SSPN: variants seen among roughly 807,000 people sequenced by gnomAD.
SSPN encodes the protein K-ras oncogene-associated protein.
In SSPN, 15 loss-of-function variants were observed where a neutral mutation model predicts 19.1. That is an observed-to-expected ratio of 0.78 (90% CI 0.52 to 1.21). SSPN has a LOEUF of 1.21. Among genes scored for constraint, SSPN ranks in the 50% most tolerant of loss-of-function variants. The pLI, the probability that SSPN is intolerant of heterozygous loss-of-function variation, is 0.00. For synonymous variants in SSPN, 147 were observed against 140.3 expected (o/e 1.05, Z -0.34); for missense variants, 291 against 314.0 (o/e 0.93, Z 0.55).
At chr12:26,201,262 C>T (rs1021502770) in intron 1 of SSPN, among the ~76,000 whole-genome samples, 3 of 150,768 alleles carry the variant, frequency 2.0e-5, no homozygotes, top group Non-Finnish European at 3.0e-5. Context: ...CCTGTAGTCC[C>T]AGCTACTCGG....
chr12:26,124,253 G>GGGGGGGCCCCCC, intron 1 of SSPN: 1 of 785,908 alleles, frequency 1.3e-6, no homozygotes. Context: ...ACCCTCGTCT[G>GGGGGGGCCCCCC]CCCCCCCCGC....
intron 1 of SSPN, among the ~76,000 whole-genome samples, chr12:26,150,875 G>A (rs1031642875): frequency 7.2e-5 from 11 of 152,152 alleles, no homozygotes; most frequent in African/African-American, 1.9e-4. Context: ...TCAGAGCCAG[G>A]CCAGAATCAC....
chr12:26,210,497 A>G lies in SSPN; in HGVS notation c.280-13796A>G, dbSNP rs901534112. 5.3e-5 allele frequency among the ~76,000 whole-genome samples: 8 copies of G among 151,486 alleles called. No homozygotes were observed. In the East Asian group the frequency reaches 1.4e-3, roughly 26 times the overall value. The stretch of plus-strand genomic sequence containing the variant: ...AATTTACCCTTTGTCTCTCCTTTCT[A>G]TTCTCTCTCTCTGTGTCTCTCTCTC... On this transcript the variant is annotated intron_variant, in intron 1 of 2. Transcript: ENST00000242729.
intron 1 of SSPN, among the ~76,000 whole-genome samples, chr12:26,202,828 A>G (rs74482118): frequency 0.11 from 16,915 of 152,252 alleles, 1,234 homozygotes; most frequent in Non-Finnish European, 0.17. Context: ...ATATGTTTCT[A>G]TGTTACTGTA....
intron 1 of SSPN, among the ~76,000 whole-genome samples, chr12:26,132,234 C>A (rs1311650485): frequency 2.0e-5 from 3 of 152,198 alleles, no homozygotes; most frequent in Non-Finnish European, 4.4e-5. Flanking sequence ...TGTCTAGCAT[C>A]TTGGGATCTC....
At chr12:26,212,776 A>G (rs754728811) in intron 1 of SSPN, among the ~76,000 whole-genome samples, 1 of 152,194 alleles carries the variant, frequency 6.6e-6, no homozygotes, top group Non-Finnish European at 1.5e-5. Flanking sequence ...TCCTAGACAT[A>G]AAAAGTTGTT....
chr12:26,146,680 A>G (rs1194884294), intron 1 of SSPN, among the ~76,000 whole-genome samples: 1 of 152,080 alleles, frequency 6.6e-6, no homozygotes, highest in African/African-American at 2.4e-5. Context: ...AAAATTAGCC[A>G]GGTGTGGTGG....
chr12:26,122,735 C>T, intron 1 of SSPN: 2 of 1,590,846 alleles, frequency 1.3e-6, no homozygotes, highest in South Asian at 1.1e-5. Flanking sequence ...TGACGCGGCT[C>T]GCCCCCGCGC....
In SSPN at chr12:26,123,673, G is replaced by C; in HGVS notation, c.-31+1521G>C. 3.1e-6 allele frequency: 5 copies of C among 1,614,086 alleles called. No individual in the cohort carries two copies. In the African/African-American group the frequency reaches 6.7e-5, roughly 22 times the overall value. ...TCTTCTGATGCTGTTGCTCGGTTAA[G>C]GCGGTTAAAGCTTTTAAGTGTTTCA... On this transcript the variant is annotated intron_variant, in intron 1 of 2. Coordinates refer to the SSPN transcript ENST00000538142.
intron 1 of SSPN, among the ~76,000 whole-genome samples, chr12:26,137,101 C>A (rs1944429992): frequency 6.6e-6 from 1 of 152,190 alleles, no homozygotes; most frequent in Non-Finnish European, 1.5e-5. Context: ...TACTGTTTTG[C>A]AAGTCTTAAC....
intron 1 of SSPN, among the ~76,000 whole-genome samples, chr12:26,212,029 A>C (rs10842693): frequency 0.25 from 38,387 of 152,098 alleles, 5,102 homozygotes; most frequent in Admixed American, 0.37. Context: ...TTTCTGGCAA[A>C]TGCATGAGCA....
intron 1 of SSPN, among the ~76,000 whole-genome samples, chr12:26,146,767 T>G (rs1050044119): frequency 1.4e-5 from 2 of 138,010 alleles, no homozygotes; most frequent in African/African-American, 2.6e-5. Context: ...AGGTTGCAGT[T>G]AGCCGAGATG....
upstream of SSPN, chr12:26,195,375 G>A: frequency 8.8e-6 from 3 of 341,926 alleles, no homozygotes; most frequent in Non-Finnish European, 1.6e-5. Context: ...CTGAAGTGCA[G>A]AGGTTCAGGC....
chr12:26,190,495 C>T (rs1229387922), upstream of SSPN, among the ~76,000 whole-genome samples: 4 of 152,260 alleles, frequency 2.6e-5, no homozygotes, highest in East Asian at 7.7e-4. Context: ...AGCTGAGAGT[C>T]GAGAGATAAC....
intron 1 of SSPN, among the ~76,000 whole-genome samples, chr12:26,181,530 A>AT (rs1944718772): frequency 6.6e-6 from 1 of 152,096 alleles, no homozygotes; most frequent in Non-Finnish European, 1.5e-5. Flanking sequence ...TAAAACCACA[A>AT]TTTCTCTTGG....
At chr12:26,208,020 G>GT (rs200250018) in intron 1 of SSPN, among the ~76,000 whole-genome samples, 21 of 43,374 alleles carry the variant, frequency 4.8e-4, no homozygotes, top group African/African-American at 9.9e-4. Context: ...GGTGGTGGTG[G>GT]GGGGGGGGGA....
At chr12:26,219,717 C>T (rs1246444048) in intron 1 of SSPN, among the ~76,000 whole-genome samples, 1 of 152,166 alleles carries the variant, frequency 6.6e-6, no homozygotes, top group Non-Finnish European at 1.5e-5. Context: ...CTTTTCTTAT[C>T]GACTTAATTA....
rs115605986 is a variant in SSPN at position 26,227,219 on chromosome 12, T to G, written c.366+2840T>G. 4.3e-3 allele frequency among the ~76,000 whole-genome samples: 658 copies of G among 152,260 alleles called. 3 individuals are homozygous for G. Among genetic ancestry groups the G allele is most frequent in the African/African-American group, 0.014 (593 of 41,552 alleles). ...TTGCTGTCAGATGAGTTAAAAGCCA[T>G]GAAGGAAAAATGCCACAGCGCTGCA... is the stretch of plus-strand genomic sequence containing the variant. On this transcript the variant is annotated intron_variant, in intron 2 of 2. Transcript: ENST00000242729.
chr12:26,199,910 G>A (rs189038963), intron 1 of SSPN, among the ~76,000 whole-genome samples: 1 of 152,180 alleles, frequency 6.6e-6, no homozygotes, highest in East Asian at 1.9e-4. Flanking sequence ...GAATACTTCC[G>A]ATTAGAAAAT....
Sources: gnomAD v4.1 joint callset for allele counts (sites outside exome capture counted in the v4.1 genomes callset) on GRCh38, gnomAD v4.1.1 for gene constraint, MANE v1.5 for transcripts, NCBI Gene and HGNC (gene_info 2026-07-23, HGNC 2026-07-21) for gene names.